Variants in GAA observed in about 807,000 individuals in gnomAD.
The protein encoded by GAA is alpha glucosidase, also known as lysosomal alpha-glucosidase.
Under a neutral mutation model 103.9 loss-of-function variants are expected in GAA, and 88 were observed. The observed-to-expected ratio is 0.85, with a 90% CI of 0.71 to 1.01. The LOEUF (loss-of-function observed/expected upper bound fraction) is 1.01, where lower values mean the gene tolerates loss of function less well. Ranked by LOEUF, GAA falls within the 50% of genes least tolerant of loss-of-function variation. The pLI is 0.00. For synonymous variants in GAA, 572 were observed against 563.1 expected, an observed-to-expected ratio of 1.02 and a Z score of -0.22; for missense variants, 1,350 against 1,305.3, an observed-to-expected ratio of 1.03 and a Z score of -0.53.
intron 8 of GAA, among the ~76,000 whole-genome samples, 165 bp from the exon 9 acceptor site, chr17:80,109,780 C>T (rs1348220424): frequency 6.6e-6 from 1 of 152,024 alleles, no homozygotes; most frequent in Non-Finnish European, 1.5e-5. Context: ...GGCCCTGGCT[C>T]CTCTCCAGGC....
chr17:80,110,160 C>A (rs903678981), intron 9 of GAA, 105 bp downstream of exon 9: 1 of 880,472 alleles, frequency 1.1e-6, no homozygotes, highest in African/African-American at 1.7e-5. Context: ...GCCATCACGC[C>A]CAGTGGGACA....
chr17:80,113,749 T>C (rs2039301614), intron 15 of GAA, among the ~76,000 whole-genome samples: 1 of 151,866 alleles, frequency 6.6e-6, no homozygotes, highest in Non-Finnish European at 1.5e-5. Flanking sequence ...CCAGGCACGG[T>C]GGCTAACGCC....
At chr17:80,114,648 TAGG>T (rs2039323845) in intron 15 of GAA, among the ~76,000 whole-genome samples, 2 of 152,168 alleles carry the variant, frequency 1.3e-5, no homozygotes, top group African/African-American at 2.4e-5. Flanking sequence ...TTAAGTCAAA[TAGG>T]AGGGAAAAAT....
chr17:80,104,549 C>A lies in GAA; in HGVS notation c.-32-6C>A. On this transcript the variant is annotated splice_region_variant and splice_polypyrimidine_tract_variant and intron_variant, in intron 1 of 19. Transcript: ENST00000302262. The surrounding 1 kb of genome is among the most constrained non-coding windows in gnomAD (Gnocchi z 4.0). ...TCCCTGCTGAGCCCGCTTTCTTCTC[C>A]CGCAGGCCTGTAGGAGCTGTCCAGG... The A allele has an allele frequency of 6.3e-7, 1 of 1,579,380 alleles. No homozygotes were observed. The highest frequency in any genetic ancestry group is 8.6e-7 in the Non-Finnish European group (1 of 1,160,674).
At chr17:80,109,218 G>A (rs1173165180) in intron 8 of GAA, among the ~76,000 whole-genome samples, 1 of 152,206 alleles carries the variant, frequency 6.6e-6, no homozygotes, top group Non-Finnish European at 1.5e-5. Flanking sequence ...CCTTCTGGCC[G>A]GCTCTGAATC....
chr17:80,104,490 C>T lies in GAA; in HGVS notation c.-32-65C>T, dbSNP rs2039021567. On this transcript the variant is annotated intron_variant, in intron 1 of 19. Coordinates refer to ENST00000302262, the MANE Select transcript of GAA (RefSeq NM_000152.5). This position sits in a 1 kb window ranked among gnomAD's most constrained non-coding sequence, Gnocchi z 4.0. ...AGCCGCGGTTGATGTCTCAGAGCTG[C>T]TTTGAGAGCCCCGTGAGTGCCGCCC... 8.1e-7 allele frequency: 1 copy of T among 1,234,456 alleles called. No individual in the cohort carries two copies. Among genetic ancestry groups the T allele is most frequent in the South Asian group, 1.5e-5 (1 of 67,874 alleles). 76.5% of individuals were successfully genotyped at this position (1,234,456 alleles called of 1,614,324 possible).
chr17:80,113,096 AC>A, intron 14 of GAA, 69 bp downstream of exon 14: 3 of 1,543,200 alleles, frequency 1.9e-6, no homozygotes, highest in Non-Finnish European at 2.6e-6. Flanking sequence ...TGGGAATCCC[AC>A]CCCTGCTGGA....
chr17:80,105,441 A>T (rs1443728469), intron 2 of GAA, among the ~76,000 whole-genome samples: 1 of 152,218 alleles, frequency 6.6e-6, no homozygotes, highest in African/African-American at 2.4e-5. Context: ...CAGATACCCC[A>T]GGCATGACTT....
chr17:80,110,893 C>A (rs763403772), intron 10 of GAA, 48 bp from the exon 11 acceptor site: 1 of 1,613,068 alleles, frequency 6.2e-7, no homozygotes, highest in Non-Finnish European at 8.5e-7. Context: ...ACTACCCCAC[C>A]CTCCTCACTC....
rs2039130623 is a variant in GAA at position 80,107,835 on chromosome 17, C to T, written c.894C>T (p.Tyr298=). ...GANLYGSHPF[Y]LALEDGGSAH... ...ACCTCTACGGGTCTCACCCTTTCTA[C>T]CTGGCGCTGGAGGACGGCGGGTCGG... The change falls in exon 5 of 20, where the codon TAC becomes TAT. Residue 298 remains tyrosine, a synonymous_variant. Coordinates refer to ENST00000302262, the MANE Select transcript of GAA (RefSeq NM_000152.5). 1.2e-6 allele frequency: 2 copies of T among 1,612,140 alleles called. No homozygotes were observed. Among genetic ancestry groups the T allele is most frequent in the Admixed American group, 3.3e-5 (2 of 59,936 alleles).
chr17:80,117,961 T>A (rs927505732), intron 17 of GAA, among the ~76,000 whole-genome samples: 2 of 152,134 alleles, frequency 1.3e-5, no homozygotes, highest in Non-Finnish European at 2.9e-5. Flanking sequence ...CTCAGTGGTC[T>A]GCATGGTGGA....
intron 11 of GAA, 168 bp from the exon 12 acceptor site, chr17:80,111,815 G>A (rs2039242100): frequency 3.2e-6 from 2 of 620,440 alleles, no homozygotes; most frequent in Non-Finnish European, 5.8e-6. Flanking sequence ...AGGTTCCCGG[G>A]TAACGCCAGC....
rs1334888803 is a variant in GAA, at chr17:80,112,066, C to T, written c.1720C>T (p.Leu574Phe). The T allele has an allele frequency of 6.2e-7, 1 of 1,614,118 alleles. No individual in the cohort carries two copies. Among genetic ancestry groups the T allele is most frequent in the Non-Finnish European group, 8.5e-7 (1 of 1,179,984 alleles). ...FLSTHYNLHN[L>F]YGLTEAIASH... ...CTCCACACACTACAACCTGCACAAC[C>T]TCTACGGCCTGACCGAAGCCATCGC... The change falls in exon 12 of 20, where the codon CTC becomes TTC. Residue 574 changes from leucine (L) to phenylalanine (F), a missense_variant. Leu to Phe is a conservative substitution (Grantham distance 22, BLOSUM62 0). Coordinates refer to ENST00000302262, the MANE Select transcript of GAA (RefSeq NM_000152.5).
chr17:80,109,798 T>TGCAGGCATGTGCAGGTACACAG lies in GAA; in HGVS notation c.1327-137_1327-116dup, dbSNP rs575271361. On this transcript the variant is annotated intron_variant, in intron 8 of 19. Coordinates refer to ENST00000302262, the MANE Select transcript of GAA (RefSeq NM_000152.5). ...CCTGGCTCCTCTCCAGGCAGGCGTGTGCAGGCATGTGCAGGTACACAGGCA... is the reference window on the plus strand; with the variant it reads ...CCTGGCTCCTCTCCAGGCAGGCGTGTGCAGGCATGTGCAGGTACACAGGCAGGCATGTGCAGGTACACAGGCA... The TGCAGGCATGTGCAGGTACACAG allele has an allele frequency of 6.9e-4, 433 of 624,502 alleles. No homozygotes were observed. The African/African-American group carries it at 7.0e-3, about 10-fold the overall frequency. 38.7% of individuals were successfully genotyped at this position (624,502 alleles called of 1,614,324 possible).
rs2039064149 is a variant in GAA at position 80,105,617 on chromosome 17, G to T, written c.547-132G>T. 1.8e-5 allele frequency: 20 copies of T among 1,093,988 alleles called. No homozygotes were observed. In the East Asian group the frequency reaches 4.9e-4, roughly 27 times the overall value. The allele number at this position is 1,093,988 out of a possible 1,614,324, so 67.8% of individuals were successfully genotyped here. ...GATGAGGGAGCCGAGGCTCAGAGAG[G>T]CTGAATGTGCTGCCCATGGTCCCAC... On this transcript the variant is annotated intron_variant, in intron 2 of 19. Transcript: ENST00000302262.
At chr17:80,112,181 A>G in intron 12 of GAA, 81 bp downstream of exon 12, 2 of 1,413,430 alleles carry the variant, frequency 1.4e-6, no homozygotes. Context: ...GGCCTCAGGG[A>G]GGAGGAAAAG....
At chr17:80,112,427 C>G in intron 12 of GAA, 151 bp from the exon 13 acceptor site, 1 of 983,334 alleles carries the variant, frequency 1.0e-6, no homozygotes, top group Non-Finnish European at 1.5e-6. Context: ...GGCAACTGTG[C>G]CCGCAGACAT....
At chr17:80,106,101 GT>G (rs2039080792) in intron 3 of GAA, among the ~76,000 whole-genome samples, 1 of 152,186 alleles carries the variant, frequency 6.6e-6, no homozygotes, top group African/African-American at 2.4e-5. Context: ...GTAAACACGT[GT>G]TCAGGACTCA....
In GAA at chr17:80,111,980, C is replaced by T; in HGVS notation, c.1637-3C>T. 1.2e-6 allele frequency: 2 copies of T among 1,612,784 alleles called. No individual in the cohort carries two copies. Among genetic ancestry groups the T allele is most frequent in the Non-Finnish European group, 1.7e-6 (2 of 1,179,388 alleles). On this transcript the variant is annotated splice_region_variant and splice_polypyrimidine_tract_variant and intron_variant, in intron 11 of 19. Transcript: ENST00000302262. ...CCTGGAAACCAGCCCCCGCCTCTTC[C>T]AGGGGTGGTTGGGGGGACCCTCCAG...
Sources: gnomAD v4.1 joint callset for allele counts (sites outside exome capture counted in the v4.1 genomes callset) on GRCh38, gnomAD v4.1.1 for gene constraint, Gnocchi (gnomAD v3.1) non-coding constraint, MANE v1.5 for transcripts, NCBI Gene and HGNC (gene_info 2026-07-23, HGNC 2026-07-21) for gene names.